The following TENM3 variants were observed in gnomAD, a reference collection of about 807,000 sequenced individuals.
The protein encoded by TENM3 is teneurin transmembrane protein 3.
In TENM3, 63 loss-of-function variants were observed where a neutral mutation model predicts 255.1. The observed-to-expected ratio is 0.25, with a 90% confidence interval of 0.20 to 0.30. The LOEUF is 0.30. Among genes scored for constraint, TENM3 ranks in the 10% least tolerant of loss-of-function variants. TENM3 has a pLI of 1.00. For missense variants in TENM3, 2,929 were observed against 3,461.1 expected, an observed-to-expected ratio of 0.85 and a Z score of 3.86; for synonymous variants, 1,306 against 1,322.3, an observed-to-expected ratio of 0.99 and a Z score of 0.27.
At chr4:181,536,188 A>T in the TENM3 span, among the ~76,000 whole-genome samples, 1 of 152,204 alleles carries the variant, frequency 6.6e-6, no homozygotes, top group Admixed American at 6.5e-5. Flanking sequence ...ATTTAACATT[A>T]GTGTCTTTCC....
intron 1 of TENM3, among the ~76,000 whole-genome samples, chr4:182,292,909 G>T (rs1561288590): frequency 6.6e-6 from 1 of 152,156 alleles, no homozygotes; most frequent in Non-Finnish European, 1.5e-5. Context: ...TAACTAGGGG[G>T]AGAGGTAGAC....
At chr4:181,659,755 C>T in the TENM3 span, among the ~76,000 whole-genome samples, 2 of 152,128 alleles carry the variant, frequency 1.3e-5, no homozygotes, top group African/African-American at 4.8e-5. Context: ...TTCCCCTTAG[C>T]CCCAGATAGT....
the TENM3 span, among the ~76,000 whole-genome samples, chr4:181,600,191 T>C: frequency 6.6e-6 from 1 of 152,244 alleles, no homozygotes; most frequent in Non-Finnish European, 1.5e-5. Flanking sequence ...CTGTGTAATA[T>C]ACCATTGTGT....
chr4:181,790,236 G>A, the TENM3 span, among the ~76,000 whole-genome samples: 12 of 152,152 alleles, frequency 7.9e-5, no homozygotes, highest in East Asian at 1.4e-3. Context: ...CTGGCCACAC[G>A]TGGGTTCTGC....
At chr4:181,721,956 A>G in the TENM3 span, among the ~76,000 whole-genome samples, 1 of 152,154 alleles carries the variant, frequency 6.6e-6, no homozygotes, top group Non-Finnish European at 1.5e-5. Flanking sequence ...CTTACCACTA[A>G]GGCTGGTCAG....
chr4:181,762,071 C>G, the TENM3 span, among the ~76,000 whole-genome samples: 1 of 152,100 alleles, frequency 6.6e-6, no homozygotes. Context: ...GCAGCACCAA[C>G]CACTCCGTCA....
chr4:181,792,180 A>C, the TENM3 span, among the ~76,000 whole-genome samples: 1 of 152,234 alleles, frequency 6.6e-6, no homozygotes, highest in Non-Finnish European at 1.5e-5. Context: ...GTAACAATAC[A>C]GCGTGATTTT....
At chr4:182,537,916 A>T (rs1010936110) in intron 3 of TENM3, among the ~76,000 whole-genome samples, 1 of 152,202 alleles carries the variant, frequency 6.6e-6, no homozygotes, top group African/African-American at 2.4e-5. Flanking sequence ...CTTGCTGCTC[A>T]CTGACTGCTA....
chr4:181,868,197 C>G, the TENM3 span, among the ~76,000 whole-genome samples: 6 of 152,096 alleles, frequency 3.9e-5, no homozygotes, highest in South Asian at 2.1e-4. Context: ...CATTAACAAA[C>G]AGCGTATTCT....
At chr4:181,536,240 C>T in the TENM3 span, among the ~76,000 whole-genome samples, 12 of 152,152 alleles carry the variant, frequency 7.9e-5, no homozygotes, top group Non-Finnish European at 1.2e-4. Context: ...ATTTGGAAGT[C>T]ACTGCTGCCT....
intron 1 of TENM3, among the ~76,000 whole-genome samples, chr4:182,160,019 T>TTTTTTTTTTTTTTTTTTTTTTC (rs1456318331): frequency 6.6e-6 from 1 of 151,194 alleles, no homozygotes; most frequent in Non-Finnish European, 1.5e-5. Context: ...GTTCTTTTTT[T>TTTTTTTTTTTTTTTTTTTTTTC]TGAGACGGAG....
chr4:182,487,416 A>G (rs1205626580), intron 3 of TENM3, among the ~76,000 whole-genome samples: 1 of 151,684 alleles, frequency 6.6e-6, no homozygotes, highest in Non-Finnish European at 1.5e-5. Flanking sequence ...AATTTTTGAA[A>G]AAGAATAATA....
chr4:181,566,198 G>C, the TENM3 span, among the ~76,000 whole-genome samples: 1 of 152,092 alleles, frequency 6.6e-6, no homozygotes, highest in African/African-American at 2.4e-5. Context: ...AGAACTTTTA[G>C]TATACTAAGC....
At chr4:181,514,432 A>T in the TENM3 span, among the ~76,000 whole-genome samples, 16 of 152,212 alleles carry the variant, frequency 1.1e-4, no homozygotes, top group Admixed American at 1.0e-3. Flanking sequence ...TACTTTTGCT[A>T]CAAATTTTCC....
chr4:181,926,699 G>C, the TENM3 span, among the ~76,000 whole-genome samples: 5 of 152,164 alleles, frequency 3.3e-5, 1 homozygote, highest in African/African-American at 1.2e-4. Flanking sequence ...GGCATCAAAA[G>C]ATATGGTCCT....
chr4:182,386,944 C>T (rs920633202), intron 3 of TENM3, among the ~76,000 whole-genome samples: 16 of 152,364 alleles, frequency 1.1e-4, no homozygotes, highest in African/African-American at 2.4e-4. Context: ...GAGCACATGG[C>T]GCGGGGCTGG....
At chr4:182,434,660 G>A (rs1260387378) in intron 3 of TENM3, among the ~76,000 whole-genome samples, 1 of 151,020 alleles carries the variant, frequency 6.6e-6, no homozygotes, top group East Asian at 1.9e-4. Flanking sequence ...AAAAAAAACC[G>A]TATATTGGTA....
chr4:182,471,925 T>C (rs1733160338), intron 3 of TENM3, among the ~76,000 whole-genome samples: 2 of 152,184 alleles, frequency 1.3e-5, no homozygotes, highest in African/African-American at 4.8e-5. Context: ...TAGTGAGTTA[T>C]AGTTCTCTGG....
chr4:181,677,317 TCAACCAAA>T, the TENM3 span, among the ~76,000 whole-genome samples: 3 of 152,106 alleles, frequency 2.0e-5, no homozygotes, highest in Non-Finnish European at 4.4e-5. Context: ...TTACCATGTT[TCAACCAAA>T]CTTTAGAGTT....
Sources: allele counts gnomAD v4.1 joint callset (sites outside exome capture counted in the v4.1 genomes callset), GRCh38; gene constraint gnomAD v4.1.1; transcripts MANE v1.5; gene names NCBI Gene and HGNC (gene_info 2026-07-23, HGNC 2026-07-21).